The following SHISAL1 variants were observed in gnomAD, a reference collection of about 807,000 sequenced individuals.
SHISAL1 encodes the protein protein shisa-like-1.
In SHISAL1, 9 loss-of-function variants were observed where a neutral mutation model predicts 22.6. The observed-to-expected ratio is 0.40, with a 90% CI of 0.24 to 0.70. The LOEUF (loss-of-function observed/expected upper bound fraction) is 0.70, where lower values mean the gene tolerates loss of function less well. SHISAL1 is among the 30% of genes least tolerant of loss of function. SHISAL1 has a pLI of 0.39. For synonymous variants in SHISAL1, 119 were observed against 115.4 expected (o/e 1.03, Z -0.20); for missense variants, 246 against 270.6 (o/e 0.91, Z 0.64).
At chr22:44,325,421 C>T in the SHISAL1 span, among the ~76,000 whole-genome samples, 2 of 152,312 alleles carry the variant, frequency 1.3e-5, no homozygotes, top group East Asian at 1.9e-4. Flanking sequence ...GCATGGGCAT[C>T]ACCGGGACCC....
In SHISAL1 at chr22:44,285,557, C is replaced by G. The variant is rs200825189; in HGVS notation, c.470G>C (p.Arg157Pro). ...RRWGNPARAP[R>P]PGQRAPQPQP... is the part of the protein sequence containing the mutation. ...CGGCTGTGGGGCCCGCTGACCCGGC[C>G]GAGGGGCCCGAGCGGGGTTCCCCCA... is the stretch of plus-strand genomic sequence containing the variant. Residue 157 changes from arginine (R) to proline (P), a missense_variant, in exon 4 of 5, where the codon CGG becomes CCG. Coordinates refer to ENST00000381176, the MANE Select transcript of SHISAL1 (RefSeq NM_001099294.2). 4.6e-6 allele frequency: 7 copies of G among 1,538,444 alleles called. No individual in the cohort carries two copies. Among genetic ancestry groups the G allele is most frequent in the Non-Finnish European group, 4.5e-6 (5 of 1,114,704 alleles).
chr22:44,255,519 C>T (rs559851192), intron 4 of SHISAL1, among the ~76,000 whole-genome samples: 60 of 152,144 alleles, frequency 3.9e-4, no homozygotes, highest in Non-Finnish European at 6.6e-4. Flanking sequence ...GAGCAAATCC[C>T]GTTGGACCTT....
chr22:44,245,006 A>T lies in SHISAL1; in HGVS notation c.*4679T>A, dbSNP rs879387666. Reference sequence around the variant, plus strand: ...GTAAGTGCGCAGGCTTGTCTTCCAGAGGGCACAGGGTATGGCCCCAGCCCA... The same window carrying T: ...GTAAGTGCGCAGGCTTGTCTTCCAGTGGGCACAGGGTATGGCCCCAGCCCA... On this transcript the variant is annotated 3_prime_UTR_variant, in exon 5 of 5. Transcript: ENST00000381176. The T allele has an allele frequency of 5.9e-5, 9 of 152,300 alleles. No individual in the cohort carries two copies. Among genetic ancestry groups the T allele is most frequent in the Non-Finnish European group, 1.3e-4 (9 of 68,116 alleles). 9.4% of individuals were successfully genotyped at this position (152,300 alleles called of 1,614,324 possible). A position where few individuals can be genotyped will look rare whatever the true frequency, so the allele number is the denominator to read the frequency against.
rs745446374 is a variant in SHISAL1 at position 44,280,922 on chromosome 22, T to C, written c.599+4506A>G. ...CCCGGATTTGAGACAGCAACAATAA[T>C]GACCATCACAACCATGAGAGCGGCA... is the stretch of plus-strand genomic sequence containing the variant. On this transcript the variant is annotated intron_variant, in intron 4 of 4. Transcript: ENST00000381176. Among the ~76,000 whole-genome samples, 52 of 152,004 alleles carry C rather than the reference T, an allele frequency of 3.4e-4. 2 individuals are homozygous for C. The highest frequency in any genetic ancestry group is 5.6e-4 in the Non-Finnish European group (38 of 67,990).
chr22:44,268,699 C>G (rs929417878), intron 4 of SHISAL1, among the ~76,000 whole-genome samples: 3 of 152,068 alleles, frequency 2.0e-5, no homozygotes, highest in Admixed American at 2.0e-4. Context: ...CGGGAAGGAG[C>G]GTGACCTCAG....
rs149832284 is a variant in SHISAL1, at chr22:44,271,909, G to A, written c.599+13519C>T. Among the ~76,000 whole-genome samples the A allele has an allele frequency of 6.0e-3, 912 of 152,326 alleles. 9 individuals are homozygous for A. The highest frequency in any genetic ancestry group is 9.5e-3 in the Non-Finnish European group (646 of 68,032). Reference sequence around the variant, plus strand: ...GGCGTATTCACGAGCCCCCAGATTCGCCTGGGCCTTTGTGGAAGTGTCCTT... The same window carrying A: ...GGCGTATTCACGAGCCCCCAGATTCACCTGGGCCTTTGTGGAAGTGTCCTT... On this transcript the variant is annotated intron_variant, in intron 4 of 4. Coordinates refer to ENST00000381176, the MANE Select transcript of SHISAL1 (RefSeq NM_001099294.2).
chr22:44,258,111 G>T (rs2055097304), intron 4 of SHISAL1, among the ~76,000 whole-genome samples: 1 of 152,158 alleles, frequency 6.6e-6, no homozygotes, highest in Non-Finnish European at 1.5e-5. Flanking sequence ...TTGCACTCCA[G>T]CCTGGGCAAC....
At position 44,301,002 on chromosome 22, in the gene SHISAL1, C is replaced by A. The variant is rs2055424961; in HGVS notation, c.-32-25G>T. 2.6e-6 allele frequency: 4 copies of A among 1,538,138 alleles called. No individual in the cohort carries two copies. The East Asian group carries it at 9.1e-5, about 35-fold the overall frequency. Reference sequence around the variant, plus strand: ...CCTGTTCAATGAGAGCCACGAGAGGCTGGGTGTGGGCTGTCTCGCCTGACA... The same window carrying A: ...CCTGTTCAATGAGAGCCACGAGAGGATGGGTGTGGGCTGTCTCGCCTGACA... On this transcript the variant is annotated intron_variant, in intron 1 of 4. Transcript: ENST00000381176.
At chr22:44,269,429 CAG>C (rs911340475) in intron 4 of SHISAL1, among the ~76,000 whole-genome samples, 1 of 149,176 alleles carries the variant, frequency 6.7e-6, no homozygotes, top group African/African-American at 2.5e-5. Context: ...ATGCCACAGA[CAG>C]AAGACACACA....
chr22:44,324,872 G>T, the SHISAL1 span, among the ~76,000 whole-genome samples: 8 of 152,174 alleles, frequency 5.3e-5, no homozygotes, highest in Non-Finnish European at 8.8e-5. Flanking sequence ...CAGATTCCAG[G>T]CAGCTGCACC....
At chr22:44,293,838 C>G (rs2055368944) in intron 3 of SHISAL1, among the ~76,000 whole-genome samples, 1 of 152,196 alleles carries the variant, frequency 6.6e-6, no homozygotes, top group Non-Finnish European at 1.5e-5. Context: ...AGTTAAAATT[C>G]TGATCCTCGA....
chr22:44,283,241 G>A (rs59433696), intron 4 of SHISAL1, among the ~76,000 whole-genome samples: 4,849 of 152,266 alleles, frequency 0.032, 255 homozygotes, highest in African/African-American at 0.11. Context: ...AGGGTGATGG[G>A]AACACCTTCC....
intron 4 of SHISAL1, among the ~76,000 whole-genome samples, chr22:44,264,016 G>A (rs1275920262): frequency 2.0e-5 from 3 of 152,180 alleles, no homozygotes; most frequent in Non-Finnish European, 2.9e-5. Context: ...TACTGATGAC[G>A]GCCGGAAGGT....
At chr22:44,264,473 C>T (rs2055147776) in intron 4 of SHISAL1, among the ~76,000 whole-genome samples, 1 of 152,150 alleles carries the variant, frequency 6.6e-6, no homozygotes, top group Non-Finnish European at 1.5e-5. Flanking sequence ...GGTGGCTGGA[C>T]ATACCTTCCC....
At chr22:44,324,327 T>C in the SHISAL1 span, among the ~76,000 whole-genome samples, 2 of 152,150 alleles carry the variant, frequency 1.3e-5, no homozygotes, top group Non-Finnish European at 2.9e-5. Context: ...GTTGCCATGG[T>C]GCTGGGTAAG....
At chr22:44,262,931 A>G (rs1346802097) in intron 4 of SHISAL1, among the ~76,000 whole-genome samples, 1 of 152,176 alleles carries the variant, frequency 6.6e-6, no homozygotes, top group Non-Finnish European at 1.5e-5. Context: ...AAAGCAGAGG[A>G]GTCATGAGGC....
rs749282198 is a variant in SHISAL1 at position 44,249,001 on chromosome 22, C to G, written c.*684G>C. 4 of 152,104 alleles carry G rather than the reference C, an allele frequency of 2.6e-5. No individual in the cohort carries two copies. The highest frequency in any genetic ancestry group is 1.5e-5 in the Non-Finnish European group (1 of 68,044). The allele number at this position is 152,104 out of a possible 1,614,324, so 9.4% of individuals were successfully genotyped here. On this transcript the variant is annotated 3_prime_UTR_variant, in exon 5 of 5. Coordinates refer to ENST00000381176, the MANE Select transcript of SHISAL1 (RefSeq NM_001099294.2). ...CTTAGTATTACTATTGTTACAGGAA[C>G]GAATTCTGTAAGAAACAACCCTGAC... is the stretch of plus-strand genomic sequence containing the variant.
intron 4 of SHISAL1, among the ~76,000 whole-genome samples, chr22:44,284,583 C>T (rs2055298288): frequency 6.6e-6 from 1 of 152,154 alleles, no homozygotes; most frequent in Non-Finnish European, 1.5e-5. Context: ...ATGGCTGCAG[C>T]TCAGCCCCCA....
the SHISAL1 span, among the ~76,000 whole-genome samples, chr22:44,324,063 T>C: frequency 6.6e-6 from 1 of 152,172 alleles, no homozygotes; most frequent in African/African-American, 2.4e-5. Flanking sequence ...ATTTGAAATC[T>C]TACTGTCTCT....
Sources: gnomAD v4.1 joint callset for allele counts (sites outside exome capture counted in the v4.1 genomes callset) on GRCh38, gnomAD v4.1.1 for gene constraint, MANE v1.5 for transcripts, NCBI Gene and HGNC (gene_info 2026-07-23, HGNC 2026-07-21) for gene names.